Variants in MED13L observed in about 807,000 individuals in gnomAD.
MED13L encodes the protein mediator complex subunit 13L.
MED13L carries 7 observed loss-of-function variants against 220.9 expected under a neutral mutation model. That is an observed-to-expected ratio of 0.03 (90% CI 0.02 to 0.06). The LOEUF (loss-of-function observed/expected upper bound fraction) is 0.06. Among genes scored for constraint, MED13L ranks in the 10% least tolerant of loss-of-function variants. MED13L has a pLI of 1.00. For missense variants in MED13L, 1,965 were observed against 2,760.5 expected (o/e 0.71, Z 6.46); for synonymous variants, 1,011 against 1,015.2 (o/e 1.00, Z 0.08).
At chr12:116,012,774 A>G (rs1411806802) in intron 9 of MED13L, 23 bp downstream of exon 9, 4 of 1,522,372 alleles carry the variant, frequency 2.6e-6, no homozygotes, top group Non-Finnish European at 1.8e-6. Flanking sequence ...ATCCATTACT[A>G]TTTTGCCTTT....
intron 1 of MED13L, among the ~76,000 whole-genome samples, chr12:116,256,412 T>C (rs947306217): frequency 9.2e-5 from 14 of 151,728 alleles, no homozygotes; most frequent in Non-Finnish European, 1.6e-4. Flanking sequence ...TAACAGCAGA[T>C]TGGTAGTTGC....
chr12:115,981,207 T>G (rs1018400322), intron 22 of MED13L, among the ~76,000 whole-genome samples: 7 of 152,214 alleles, frequency 4.6e-5, no homozygotes, highest in African/African-American at 1.7e-4. Context: ...ACTACCATGT[T>G]CCCACTTTAG....
chr12:115,977,850 C>T (rs1004875079), intron 23 of MED13L, among the ~76,000 whole-genome samples: 2 of 152,000 alleles, frequency 1.3e-5, no homozygotes, highest in Non-Finnish European at 2.9e-5. Context: ...AAAAATTTAG[C>T]GAGGCACGGT....
intron 2 of MED13L, among the ~76,000 whole-genome samples, chr12:116,116,590 G>A (rs1161864443): frequency 6.6e-6 from 1 of 151,980 alleles, no homozygotes; most frequent in African/African-American, 2.4e-5. Context: ...CCCAAGGAGG[G>A]GGCTGTGGGA....
At chr12:116,014,659 C>T (rs1174169345) in intron 8 of MED13L, among the ~76,000 whole-genome samples, 1 of 152,194 alleles carries the variant, frequency 6.6e-6, no homozygotes, top group East Asian at 1.9e-4. Context: ...ACCCCTCCAA[C>T]TGTCATCAGT....
intron 1 of MED13L, among the ~76,000 whole-genome samples, chr12:116,248,224 GTTAT>G (rs1871241651): frequency 6.6e-6 from 1 of 152,170 alleles, no homozygotes; most frequent in Non-Finnish European, 1.5e-5. Context: ...TGATTCTGAA[GTTAT>G]TTAGTCTTCT....
At position 115,966,228 on chromosome 12, in the gene MED13L, G is replaced by A. The variant is rs1312677220; in HGVS notation, c.6241C>T (p.Leu2081Phe). 1 of 1,614,114 alleles carries A rather than the reference G, an allele frequency of 6.2e-7. No homozygotes were observed. Among genetic ancestry groups the A allele is most frequent in the Admixed American group, 1.7e-5 (1 of 60,018 alleles). ...TCCTCTGGTGCTTCTCTAGAAAGAA[G>A]ACGCTCACCCTGGCTCTGAAAAACA... Reference protein sequence around the residue: ...FQHSRSQGERLLSREAPEELK... With the variant: ...FQHSRSQGERFLSREAPEELK... The change falls in exon 29 of 31, where the codon CTT becomes TTT. Residue 2081 changes from leucine to phenylalanine, a missense_variant. Physicochemically the swap from Leu to Phe is conservative, Grantham distance 22. Around this residue, in one of 10 missense-constraint regions of MED13L, gnomAD observed 145 missense variants for 328.3 expected, o/e 0.44. Transcript: ENST00000281928.
chr12:116,012,171 G>T (rs1023650543), intron 9 of MED13L, among the ~76,000 whole-genome samples: 1 of 152,110 alleles, frequency 6.6e-6, no homozygotes, highest in Non-Finnish European at 1.5e-5. Flanking sequence ...CCCAGTTAAA[G>T]AATTTAAGAA....
intron 4 of MED13L, among the ~76,000 whole-genome samples, chr12:116,031,617 A>G (rs190303403): frequency 0.02 from 1,180 of 60,342 alleles, 31 homozygotes; most frequent in Middle Eastern, 0.071. Flanking sequence ...AGAGAAGAGA[A>G]GGAGGGGAGG....
rs1566020985 is a variant in MED13L at position 116,031,768 on chromosome 12, G to GA, written c.480-9168dup. Among the ~76,000 whole-genome samples the GA allele has an allele frequency of 2.0e-4, 26 of 132,566 alleles. 1 individual carries two copies. Among genetic ancestry groups the GA allele is most frequent in the African/African-American group, 5.8e-4 (21 of 36,268 alleles). The allele number at this position is 132,566 out of a possible 152,430, so 87.0% of individuals were successfully genotyped here. A position where few individuals can be genotyped will look rare whatever the true frequency, so the allele number is the denominator to read the frequency against. On this transcript the variant is annotated intron_variant, in intron 4 of 30. Transcript: ENST00000281928. Reference sequence around the variant, plus strand: ...AAGAAAAGAAAAGAAAAGAAGGAAGGAAGGAAGGAAGGAAGGAAGGAAGGA... The same window carrying GA: ...AAGAAAAGAAAAGAAAAGAAGGAAGGAAAGGAAGGAAGGAAGGAAGGAAGGA...
chr12:116,180,330 A>T (rs1880430811), intron 2 of MED13L, among the ~76,000 whole-genome samples: 1 of 152,198 alleles, frequency 6.6e-6, no homozygotes, highest in South Asian at 2.1e-4. Context: ...CACAAGCGAA[A>T]AATTCCACAT....
intron 2 of MED13L, among the ~76,000 whole-genome samples, chr12:116,183,623 C>A (rs1381816098): frequency 6.6e-6 from 1 of 152,112 alleles, no homozygotes; most frequent in Non-Finnish European, 1.5e-5. Flanking sequence ...GCAAAACCCC[C>A]TTTAAGGTGA....
chr12:116,121,131 A>T (rs909513212), intron 2 of MED13L, among the ~76,000 whole-genome samples: 8 of 152,328 alleles, frequency 5.3e-5, no homozygotes, highest in African/African-American at 1.9e-4. Context: ...GCTGTTATTC[A>T]ACCTTTTTTA....
intron 1 of MED13L, among the ~76,000 whole-genome samples, chr12:116,251,160 A>C (rs992917378): frequency 1.3e-5 from 2 of 151,390 alleles, no homozygotes; most frequent in Admixed American, 1.3e-4. Context: ...AGAGGATGAA[A>C]GGAACTAAGA....
At chr12:116,059,779 T>A (rs914981317) in intron 4 of MED13L, among the ~76,000 whole-genome samples, 1 of 152,116 alleles carries the variant, frequency 6.6e-6, no homozygotes. Context: ...TAAATACATA[T>A]GCTTTTAGAT....
chr12:116,115,239 T>C lies in MED13L; in HGVS notation c.311-3727A>G, dbSNP rs183092367. On this transcript the variant is annotated intron_variant, in intron 2 of 30. Coordinates refer to ENST00000281928, the MANE Select transcript of MED13L (RefSeq NM_015335.5). ...ACATCAATAGAACTGAGTTCAAAAA[T>C]TGAGCCACAAATTCATTTTTTTTAA... Among the ~76,000 whole-genome samples the C allele has an allele frequency of 3.3e-3, 501 of 152,196 alleles. 3 individuals carry two copies. Among genetic ancestry groups the C allele is most frequent in the Middle Eastern group, 0.014 (4 of 294 alleles).
intron 2 of MED13L, among the ~76,000 whole-genome samples, chr12:116,234,156 A>C (rs1869842486): frequency 1.3e-5 from 2 of 152,022 alleles, no homozygotes. Flanking sequence ...GCCTCTATTA[A>C]AAAAAATGTT....
At chr12:116,015,072 A>G in intron 8 of MED13L, 37 bp downstream of exon 8, 1 of 1,589,728 alleles carries the variant, frequency 6.3e-7, no homozygotes, top group Non-Finnish European at 8.6e-7. Flanking sequence ...GGAGATGGTT[A>G]CTAAACTATG....
chr12:116,055,594 T>G (rs1226214177), intron 4 of MED13L, among the ~76,000 whole-genome samples: 1 of 152,154 alleles, frequency 6.6e-6, no homozygotes. Context: ...TGGGAAGGCC[T>G]TTAGAAAATG....
Sources: allele counts gnomAD v4.1 joint callset (sites outside exome capture counted in the v4.1 genomes callset), GRCh38; gene constraint gnomAD v4.1.1; regional missense constraint gnomAD v4.1.1; transcripts MANE v1.5; gene names NCBI Gene and HGNC (gene_info 2026-07-23, HGNC 2026-07-21).